The following CTSG variants were observed in gnomAD, a reference collection of about 807,000 sequenced individuals.
CTSG encodes cathepsin G.
Under a neutral mutation model 23.0 loss-of-function variants are expected in CTSG, and 23 were observed. The observed-to-expected ratio is 1.00, with a 90% CI of 0.72 to 1.42. The LOEUF is 1.42. Among genes scored for constraint, CTSG ranks in the 40% most tolerant of loss-of-function variants. The pLI is 0.00. For synonymous variants in CTSG, 140 were observed against 130.4 expected, an observed-to-expected ratio of 1.07 and a Z score of -0.50; for missense variants, 312 against 326.2, an observed-to-expected ratio of 0.96 and a Z score of 0.33.
chr14:24,575,208 C>A, intron 2 of CTSG, 57 bp downstream of exon 2: 1 of 1,598,552 alleles, frequency 6.3e-7, no homozygotes, highest in Admixed American at 1.7e-5. Flanking sequence ...GCTCTTCCAC[C>A]GAAGAGCTCC....
intron 4 of CTSG, among the ~76,000 whole-genome samples, 166 bp from the exon 5 acceptor site, chr14:24,573,976 G>C (rs1043642001): frequency 4.6e-5 from 7 of 152,078 alleles, no homozygotes; most frequent in African/African-American, 1.7e-4. Context: ...GGATCTTTTC[G>C]GTCGCTGGAC....
chr14:24,574,381 C>G lies in CTSG; in HGVS notation c.458G>C (p.Arg153Thr), dbSNP rs756783567. Residue 153 changes from arginine to threonine, a missense_variant, in exon 4 of 5, where the codon AGG (arginine) becomes ACG (threonine). Physicochemically the swap from Arg to Thr is moderately conservative, Grantham distance 71 (BLOSUM62 -1). Transcript: ENST00000216336. ...TVAGWGRVSM[R>T]RGTDTLREVQ... ...CTCTCGGAGTGTATCTGTTCCCCTC[C>G]TCATGCTGACCCTGCCCCAGCCGGC... 2 of 1,611,580 alleles carry G rather than the reference C, an allele frequency of 1.2e-6. No individual in the cohort carries two copies. The highest frequency in any genetic ancestry group is 2.2e-5 in the South Asian group (2 of 91,086).
At chr14:24,575,997 C>G (rs2066740097) in intron 1 of CTSG, among the ~76,000 whole-genome samples, 172 bp downstream of exon 1, 1 of 152,208 alleles carries the variant, frequency 6.6e-6, no homozygotes, top group Non-Finnish European at 1.5e-5. Flanking sequence ...ACTTATTTAA[C>G]TCTCATGGCA....
chr14:24,576,061 A>G, intron 1 of CTSG, 108 bp downstream of exon 1: 3 of 886,500 alleles, frequency 3.4e-6, no homozygotes, highest in Non-Finnish European at 5.4e-6. Flanking sequence ...AGGAAACACA[A>G]ATTCAAATAA....
Position 24,575,358 on chromosome 14 carries a change from T to A in CTSG, c.110A>T (p.Tyr37Phe), listed in dbSNP as rs112407280. The A allele has an allele frequency of 6.2e-7, 1 of 1,614,184 alleles. No individual in the cohort carries two copies. The highest frequency in any genetic ancestry group is 1.3e-5 in the African/African-American group (1 of 75,044). Reference sequence around the variant, plus strand: ...ACCTGCTGGACTCTGGATCTGAAGATACGCCATGTAGGGGCGGGAGTGGGG... The same window carrying A: ...ACCTGCTGGACTCTGGATCTGAAGAAACGCCATGTAGGGGCGGGAGTGGGG... Reference protein sequence around the residue: ...SRPHSRPYMAYLQIQSPAGQS... With the variant: ...SRPHSRPYMAFLQIQSPAGQS... The change falls in exon 2 of 5, where the codon TAT becomes TTT. Residue 37 changes from tyrosine to phenylalanine, a missense_variant. Tyr to Phe is a conservative substitution (Grantham distance 22). Transcript: ENST00000216336.
Position 24,573,723 on chromosome 14 carries a change from A to G in CTSG, c.682T>C (p.Phe228Leu). 2 of 1,614,076 alleles carry G rather than the reference A, an allele frequency of 1.2e-6. No individual in the cohort carries two copies. Among genetic ancestry groups the G allele is most frequent in the Non-Finnish European group, 1.7e-6 (2 of 1,180,008 alleles). The part of the protein sequence containing the change: ...GKSSGVPPEV[F>L]TRVSSFLPWI... Reference sequence around the variant, plus strand: ...GGCAGGAAACTTGAGACCCTGGTGAAGACTTCTGGAGGAACCCCTGACGAC... The same window carrying G: ...GGCAGGAAACTTGAGACCCTGGTGAGGACTTCTGGAGGAACCCCTGACGAC... Residue 228 changes from phenylalanine (F) to leucine (L), a missense_variant, in exon 5 of 5, where the codon TTC (phenylalanine) becomes CTC (leucine). Physicochemically the swap from Phe to Leu is conservative, Grantham distance 22. Transcript: ENST00000216336.
intron 3 of CTSG, 83 bp from the exon 4 acceptor site, chr14:24,574,582 G>GC (rs2066731913): frequency 1.2e-6 from 2 of 1,610,364 alleles, no homozygotes; most frequent in Admixed American, 3.3e-5. Flanking sequence ...CACATCCCAT[G>GC]CCCTCCCCGC....
chr14:24,573,932 T>C (rs1322632559), intron 4 of CTSG, 122 bp from the exon 5 acceptor site: 1 of 907,818 alleles, frequency 1.1e-6, no homozygotes, highest in Non-Finnish European at 1.7e-6. Context: ...GTGTGTGAGA[T>C]GGAAGATCGG....
At chr14:24,574,540 C>T (rs965321532) in intron 3 of CTSG, 41 bp from the exon 4 acceptor site, 5 of 1,612,298 alleles carry the variant, frequency 3.1e-6, no homozygotes, top group South Asian at 2.2e-5. Flanking sequence ...GCTGGGGCCT[C>T]CAGCCAAGGC....
Position 24,573,641 on chromosome 14 carries a change from A to T in CTSG, c.764T>A (p.Leu255Gln). 6.2e-7 allele frequency: 1 copy of T among 1,613,022 alleles called. No individual in the cohort carries two copies. The highest frequency in any genetic ancestry group is 8.5e-7 in the Non-Finnish European group (1 of 1,179,246). Residue 255 changes from leucine (L) to glutamine (Q), a missense_variant, in exon 5 of 5, where the codon CTG (leucine) becomes CAG (glutamine). Transcript: ENST00000216336. ...GTCCCCGAGAAGAAGAGTCAGTCACAGGGGGGTCTCCATCTGATCCAGCAG... is the reference window on the plus strand; with the variant it reads ...GTCCCCGAGAAGAAGAGTCAGTCACTGGGGGGTCTCCATCTGATCCAGCAG... Reference protein sequence around the residue: ...FKLLDQMETPL With the variant: ...FKLLDQMETPQ
chr14:24,574,518 C>T lies in CTSG; in HGVS notation c.340-19G>A. ...TGCTCAGCTGGAGGAAGAATGTAGGCGTTCCCGCTCAGCTGGGGCCTCCAG... is the reference window on the plus strand; with the variant it reads ...TGCTCAGCTGGAGGAAGAATGTAGGTGTTCCCGCTCAGCTGGGGCCTCCAG... On this transcript the variant is annotated intron_variant, in intron 3 of 4. Coordinates refer to ENST00000216336, the MANE Select transcript of CTSG (RefSeq NM_001911.3). 1 of 1,613,508 alleles carries T rather than the reference C, an allele frequency of 6.2e-7. No individual in the cohort carries two copies. The highest frequency in any genetic ancestry group is 8.5e-7 in the Non-Finnish European group (1 of 1,179,606).
intron 2 of CTSG, 76 bp downstream of exon 2, chr14:24,575,189 T>C: frequency 6.4e-7 from 1 of 1,563,334 alleles, no homozygotes; most frequent in Non-Finnish European, 8.8e-7. Context: ...ACAACTCTTC[T>C]TTCAGATGGC....
At position 24,576,180 on chromosome 14, in the gene CTSG, C is replaced by G. The variant is rs61737123; in HGVS notation, c.44G>C (p.Gly15Ala). 2.7e-3 allele frequency: 4,308 copies of G among 1,610,484 alleles called. 96 individuals are homozygous for G. The African/African-American group carries it at 0.05, about 19-fold the overall frequency. ...LLLLAFLLPT[G>A]AEAGEIIGGR... ...GGATGGTCACTCACCTGCCTCAGCCCCAGTGGGTAGGAGAAAGGCCAGCAG... is the reference window on the plus strand; with the variant it reads ...GGATGGTCACTCACCTGCCTCAGCCGCAGTGGGTAGGAGAAAGGCCAGCAG... The change falls in exon 1 of 5, where the codon GGG becomes GCG. Residue 15 changes from glycine (G) to alanine (A), a missense_variant. By Grantham distance (60) the Gly-to-Ala change is moderately conservative. Coordinates refer to ENST00000216336, the MANE Select transcript of CTSG (RefSeq NM_001911.3).
At chr14:24,573,883 G>A (rs2066727352) in intron 4 of CTSG, 73 bp from the exon 5 acceptor site, 3 of 1,405,018 alleles carry the variant, frequency 2.1e-6, no homozygotes, top group Admixed American at 2.0e-5. Context: ...CGGGCTCTCA[G>A]GGAAGGCAGG....
At chr14:24,573,874 G>C (rs919755506) in intron 4 of CTSG, 64 bp from the exon 5 acceptor site, 17 of 1,470,284 alleles carry the variant, frequency 1.2e-5, no homozygotes, top group Non-Finnish European at 1.1e-5. Flanking sequence ...CCTGAGCTCC[G>C]GGCTCTCAGG....
Position 24,573,640 on chromosome 14 carries a change from CA to C in CTSG, c.764del (p.Leu255ArgfsTer3), listed in dbSNP as rs761199971. ...FKLLDQMETPL is the reference protein window; with the variant it reads ...FKLLDQMETPX Reference sequence around the variant, plus strand: ...TGTCCCCGAGAAGAAGAGTCAGTCACAGGGGGGTCTCCATCTGATCCAGCAG... The same window carrying C: ...TGTCCCCGAGAAGAAGAGTCAGTCACGGGGGGTCTCCATCTGATCCAGCAG... On this transcript the variant is annotated frameshift_variant, in exon 5 of 5. Coordinates refer to ENST00000216336, the MANE Select transcript of CTSG (RefSeq NM_001911.3). LOFTEE classifies it high-confidence loss of function. 8.5e-5 allele frequency: 137 copies of C among 1,613,120 alleles called. No individual in the cohort carries two copies. The highest frequency in any genetic ancestry group is 1.1e-4 in the Non-Finnish European group (134 of 1,179,506).
chr14:24,575,488 A>C, intron 1 of CTSG, 76 bp from the exon 2 acceptor site: 1 of 1,536,688 alleles, frequency 6.5e-7, no homozygotes, highest in Non-Finnish European at 9.0e-7. Context: ...TGGCTCCAGA[A>C]AGGCTGGAAG....
chr14:24,575,072 CTCTT>C, intron 2 of CTSG, 189 bp downstream of exon 2: 6 of 706,578 alleles, frequency 8.5e-6, no homozygotes, highest in Middle Eastern at 3.7e-4. Flanking sequence ...TGTCTTCCAT[CTCTT>C]CCTCTTGCTC....
chr14:24,575,035 T>C (rs1192897787), intron 2 of CTSG: 3 of 695,590 alleles, frequency 4.3e-6, no homozygotes, highest in Non-Finnish European at 7.1e-6. Flanking sequence ...ATAAATAGCC[T>C]GAGTTTATAT....
Sources: gnomAD v4.1 joint callset for allele counts (sites outside exome capture counted in the v4.1 genomes callset) on GRCh38, gnomAD v4.1.1 for gene constraint, MANE v1.5 for transcripts, NCBI Gene and HGNC (gene_info 2026-07-23, HGNC 2026-07-21) for gene names.